Variants in CSNK2A2IP observed in about 807,000 individuals in gnomAD.
The protein encoded by CSNK2A2IP is casein kinase 2 subunit alpha' interacting protein, also known as casein kinase II subunit alpha'-interacting protein.
At chr3:88,466,814 C>T in the CSNK2A2IP span, 1 of 890,314 alleles carries the variant, frequency 1.1e-6, no homozygotes, top group African/African-American at 1.7e-5. Context: ...CTAAAATCTC[C>T]ATGTAACCAT....
the CSNK2A2IP span, among the ~76,000 whole-genome samples, chr3:88,428,055 G>T: frequency 4.8e-4 from 73 of 152,278 alleles, no homozygotes; most frequent in South Asian, 1.7e-3. Flanking sequence ...AAGCCACAGG[G>T]GTAGAGCTGC....
chr3:88,385,152 A>G, the CSNK2A2IP span, among the ~76,000 whole-genome samples: 2 of 152,190 alleles, frequency 1.3e-5, no homozygotes, highest in Admixed American at 6.5e-5. Flanking sequence ...AAGTGACTCA[A>G]GGTAGAATCC....
chr3:88,354,649 C>A, the CSNK2A2IP span, among the ~76,000 whole-genome samples: 9 of 152,022 alleles, frequency 5.9e-5, no homozygotes. Flanking sequence ...GTAGTAATTA[C>A]CCTGATGGTA....
chr3:88,459,427 A>G, the CSNK2A2IP span, among the ~76,000 whole-genome samples: 1 of 152,196 alleles, frequency 6.6e-6, no homozygotes, highest in Non-Finnish European at 1.5e-5. Flanking sequence ...ATTTTAATAT[A>G]TTATTGATTC....
At chr3:88,419,326 G>A in the CSNK2A2IP span, among the ~76,000 whole-genome samples, 4 of 152,102 alleles carry the variant, frequency 2.6e-5, no homozygotes, top group Non-Finnish European at 5.9e-5. Flanking sequence ...TGTACTCAAT[G>A]TTTAGCTCCC....
At chr3:88,350,917 C>G in the CSNK2A2IP span, among the ~76,000 whole-genome samples, 1 of 152,126 alleles carries the variant, frequency 6.6e-6, no homozygotes, top group Non-Finnish European at 1.5e-5. Context: ...GACATGCACA[C>G]TCACATTTTT....
chr3:88,389,087 A>C, the CSNK2A2IP span, among the ~76,000 whole-genome samples: 47 of 152,186 alleles, frequency 3.1e-4, 1 homozygote, highest in Non-Finnish European at 5.3e-4. Flanking sequence ...AATGAAATAA[A>C]TAAGTTATAT....
At chr3:88,411,387 A>ATCTG in the CSNK2A2IP span, among the ~76,000 whole-genome samples, 1 of 121,022 alleles carries the variant, frequency 8.3e-6, no homozygotes, top group Non-Finnish European at 2.0e-5. Context: ...CTGTCTATCT[A>ATCTG]TCTATCTATC....
the CSNK2A2IP span, among the ~76,000 whole-genome samples, chr3:88,348,322 A>G: frequency 1.3e-5 from 2 of 151,976 alleles, no homozygotes; most frequent in Non-Finnish European, 2.9e-5. Flanking sequence ...AAATTGTGTT[A>G]CTCTAAGGCT....
chr3:88,339,238 C>T, the CSNK2A2IP span, among the ~76,000 whole-genome samples: 3 of 151,584 alleles, frequency 2.0e-5, no homozygotes, highest in African/African-American at 7.2e-5. Flanking sequence ...CCTCTGGTAA[C>T]CATCATTCCA....
At chr3:88,450,999 T>C in the CSNK2A2IP span, among the ~76,000 whole-genome samples, 2 of 152,174 alleles carry the variant, frequency 1.3e-5, no homozygotes, top group African/African-American at 4.8e-5. Context: ...TTTCCCAGCT[T>C]TGCCAACATT....
chr3:88,418,461 T>TGCGCGCGCGCGCGCGCGCGC, the CSNK2A2IP span, among the ~76,000 whole-genome samples: 2 of 75,856 alleles, frequency 2.6e-5, no homozygotes, highest in African/African-American at 9.3e-5. Flanking sequence ...TGTGTGTGTG[T>TGCGCGCGCGCGCGCGCGCGC]GTGCGCGCGG....
chr3:88,423,685 G>A, the CSNK2A2IP span, among the ~76,000 whole-genome samples: 6 of 152,098 alleles, frequency 3.9e-5, no homozygotes, highest in Admixed American at 1.3e-4. Context: ...CCTTGCACTC[G>A]TTGTTTCCTC....
the CSNK2A2IP span, among the ~76,000 whole-genome samples, chr3:88,365,687 C>T: frequency 1.3e-3 from 197 of 152,198 alleles, 2 homozygotes; most frequent in African/African-American, 4.3e-3. Context: ...GCTTCTTTGG[C>T]TAGTTCCTTC....
chr3:88,385,234 G>A, the CSNK2A2IP span, among the ~76,000 whole-genome samples: 7 of 152,158 alleles, frequency 4.6e-5, no homozygotes, highest in African/African-American at 1.4e-4. Flanking sequence ...ATGAAAGAGC[G>A]GTGAGGCGGG....
At chr3:88,442,177 T>C in the CSNK2A2IP span, among the ~76,000 whole-genome samples, 1 of 152,046 alleles carries the variant, frequency 6.6e-6, no homozygotes, top group Non-Finnish European at 1.5e-5. Flanking sequence ...TTAGGTACCA[T>C]TAATTTCTAT....
chr3:88,443,087 T>C, the CSNK2A2IP span, among the ~76,000 whole-genome samples: 1 of 152,278 alleles, frequency 6.6e-6, no homozygotes, highest in Non-Finnish European at 1.5e-5. Context: ...TCTGAAAAAG[T>C]TATGAAAATA....
chr3:88,446,885 A>G, the CSNK2A2IP span, among the ~76,000 whole-genome samples: 1 of 152,206 alleles, frequency 6.6e-6, no homozygotes, highest in Non-Finnish European at 1.5e-5. Flanking sequence ...ATTATAAGAC[A>G]TTGTTTTCTA....
chr3:88,395,372 T>A, the CSNK2A2IP span, among the ~76,000 whole-genome samples: 1 of 152,202 alleles, frequency 6.6e-6, no homozygotes, highest in South Asian at 2.1e-4. Context: ...AGGGTCAAAT[T>A]TAGTGTTTTC....
Sources: gnomAD v4.1 joint callset for allele counts (sites outside exome capture counted in the v4.1 genomes callset) on GRCh38, gnomAD v4.1.1 for gene constraint, MANE v1.5 for transcripts, NCBI Gene and HGNC (gene_info 2026-07-23, HGNC 2026-07-21) for gene names.